The following EEF1A2 variants were observed in gnomAD, a reference collection of about 807,000 sequenced individuals.
EEF1A2 encodes elongation factor 1-alpha 2.
EEF1A2 carries 5 observed loss-of-function variants against 39.3 expected under a neutral mutation model. The ratio of observed to expected loss-of-function variants is 0.13; its 90% CI spans 0.07 to 0.27. The LOEUF is 0.27. Among genes scored for constraint, EEF1A2 ranks in the 10% least tolerant of loss-of-function variants. EEF1A2 has a pLI of 1.00. For missense variants in EEF1A2, 218 were observed against 681.4 expected, an observed-to-expected ratio of 0.32 and a Z score of 7.57; for synonymous variants, 287 against 293.7, an observed-to-expected ratio of 0.98 and a Z score of 0.23.
At chr20:63,493,315 T>C in intron 4 of EEF1A2, 28 bp from the exon 5 acceptor site, 1 of 1,479,966 alleles carries the variant, frequency 6.8e-7, no homozygotes, top group East Asian at 2.6e-5. Flanking sequence ...AATCAATCCG[T>C]TAAGAGACAT....
At position 63,495,068 on chromosome 20, in the gene EEF1A2, C is replaced by T. The variant is rs758901823; in HGVS notation, c.358G>A (p.Val120Met). 13 of 1,611,756 alleles carry T rather than the reference C, an allele frequency of 8.1e-6. No homozygotes were observed. The highest frequency in any genetic ancestry group is 7.6e-6 in the Non-Finnish European group (9 of 1,179,868). Reference protein sequence around the residue: ...DCAVLIVAAGVGEFEAGISKN... With the variant: ...DCAVLIVAAGMGEFEAGISKN... ...GAGATGCCCGCCTCGAACTCGCCCA[C>T]GCCCGCCGCCACGATCAGCACTGCG... is the stretch of plus-strand genomic sequence containing the variant. Residue 120 changes from valine to methionine, a missense_variant, in exon 4 of 8, where the codon GTG becomes ATG. Physicochemically the swap from Val to Met is conservative, Grantham distance 21. Coordinates refer to ENST00000217182, the MANE Select transcript of EEF1A2 (RefSeq NM_001958.5).
chr20:63,495,999 C>G lies in EEF1A2; in HGVS notation c.181G>C (p.Asp61His). ...KGSFKYAWVL[D>H]KLKAERERGI... is the part of the protein sequence containing the mutation. ...CGCTCACGCTCCGCCTTCAGCTTGT[C>G]CAGCACCCAGGCATACTTGAAGGAT... The change falls in exon 3 of 8, where the codon GAC (aspartate) becomes CAC (histidine). Residue 61 changes from aspartate to histidine, a missense_variant. Around this residue, in one of 4 missense-constraint regions of EEF1A2, gnomAD observed 28 missense variants for 156.2 expected, o/e 0.18. Coordinates refer to ENST00000217182, the MANE Select transcript of EEF1A2 (RefSeq NM_001958.5). 1 of 1,612,944 alleles carries G rather than the reference C, an allele frequency of 6.2e-7. No homozygotes were observed. Among genetic ancestry groups the G allele is most frequent in the Non-Finnish European group, 8.5e-7 (1 of 1,179,934 alleles).
chr20:63,495,825 C>A, intron 3 of EEF1A2, 31 bp downstream of exon 3: 1 of 1,608,174 alleles, frequency 6.2e-7, no homozygotes, highest in South Asian at 1.1e-5. Flanking sequence ...AGCGGCCTCT[C>A]CCCCAGCCCC....
At chr20:63,490,801 G>T (rs547870369) in intron 5 of EEF1A2, 66 bp from the exon 6 acceptor site, 1 of 1,535,116 alleles carries the variant, frequency 6.5e-7, no homozygotes, top group African/African-American at 1.4e-5. Flanking sequence ...GGATATTCGG[G>T]GACAGAGCCT....
At chr20:63,488,497 G>A in intron 7 of EEF1A2, 72 bp from the exon 8 acceptor site, 5 of 1,318,598 alleles carry the variant, frequency 3.8e-6, no homozygotes, top group Non-Finnish European at 4.8e-6. Flanking sequence ...GCTCTGGCCG[G>A]GCGGGGGCGC....
rs2082423574 is a variant in EEF1A2 at position 63,497,444 on chromosome 20, G to A, written c.144+176C>T. The A allele has an allele frequency of 3.0e-6, 3 of 1,011,570 alleles. No homozygotes were observed. The allele number at this position is 1,011,570 out of a possible 1,614,324, so 62.7% of individuals were successfully genotyped here. A position where few individuals can be genotyped will look rare whatever the true frequency, so the allele number is the denominator to read the frequency against. On this transcript the variant is annotated intron_variant, in intron 2 of 7. Transcript: ENST00000217182. The surrounding 1 kb of genome is among the most constrained non-coding windows in gnomAD (Gnocchi z 7.3). ...CTCCCCCACCAAGCTCCCCCTAAGA[G>A]AGAGGCTGCCCCACCAGACCCTCTG...
At position 63,497,864 on chromosome 20, in the gene EEF1A2, G is replaced by T. The variant is rs1369507969; in HGVS notation, c.-71-30C>A. ...GGGGCCAGTGGTGGTGGGGAGACCGGTGATGGGGAGCCCCAGGGGGAGACA... is the reference window on the plus strand; with the variant it reads ...GGGGCCAGTGGTGGTGGGGAGACCGTTGATGGGGAGCCCCAGGGGGAGACA... On this transcript the variant is annotated intron_variant, in intron 1 of 7. Coordinates refer to ENST00000217182, the MANE Select transcript of EEF1A2 (RefSeq NM_001958.5). This position sits in a 1 kb window ranked among gnomAD's most constrained non-coding sequence, Gnocchi z 7.3. The T allele has an allele frequency of 1.3e-5, 19 of 1,468,904 alleles. No homozygotes were observed. Among genetic ancestry groups the T allele is most frequent in the Non-Finnish European group, 1.7e-5 (18 of 1,087,600 alleles). 91.0% of individuals were successfully genotyped at this position (1,468,904 alleles called of 1,614,324 possible). A position where few individuals can be genotyped will look rare whatever the true frequency, so the allele number is the denominator to read the frequency against.
At chr20:63,491,677 T>G (rs4809575) in intron 5 of EEF1A2, among the ~76,000 whole-genome samples, 37,775 of 118,594 alleles carry the variant, frequency 0.32, 5,910 homozygotes, top group Middle Eastern at 0.54. Context: ...TGGATGGATG[T>G]ATGAATGGGG....
rs569316100 is a variant in EEF1A2, at chr20:63,498,840, C to A, written c.-72+218G>T. Reference sequence around the variant, plus strand: ...CCCCGCGGCCCCAAGGTCACGGCTACGGGGCGATCGCCGCCCAGGACCCGG... The same window carrying A: ...CCCCGCGGCCCCAAGGTCACGGCTAAGGGGCGATCGCCGCCCAGGACCCGG... On this transcript the variant is annotated intron_variant, in intron 1 of 7. Transcript: ENST00000217182. This position sits in a 1 kb window ranked among gnomAD's most constrained non-coding sequence, Gnocchi z 4.1. 1 of 150,684 alleles carries A rather than the reference C, an allele frequency of 6.6e-6. No individual in the cohort carries two copies. Among genetic ancestry groups the A allele is most frequent in the Non-Finnish European group, 1.5e-5 (1 of 67,552 alleles). 9.3% of individuals were successfully genotyped at this position (150,684 alleles called of 1,614,324 possible).
In EEF1A2 at chr20:63,493,203, G is replaced by A; in HGVS notation, c.706C>T (p.Leu236=). ...TTGTCCGTGGGGCGCGTGGGGGGCAGGATGGTGTCCAGGGCCTCCAGCAGG... is the reference window on the plus strand; with the variant it reads ...TTGTCCGTGGGGCGCGTGGGGGGCAAGATGGTGTCCAGGGCCTCCAGCAGG... ...VSLLEALDTI[L]PPTRPTDKPL... is the part of the protein sequence containing the mutation. Residue 236 remains leucine, a synonymous_variant, in exon 5 of 8, where the codon CTG becomes TTG. Coordinates refer to ENST00000217182, the MANE Select transcript of EEF1A2 (RefSeq NM_001958.5). 1 of 1,548,842 alleles carries A rather than the reference G, an allele frequency of 6.5e-7. No individual in the cohort carries two copies.
In EEF1A2 at chr20:63,493,195, G is replaced by C. The variant is rs557317848; in HGVS notation, c.714C>G (p.Pro238=). The C allele has an allele frequency of 2.8e-5, 44 of 1,548,664 alleles. No individual in the cohort carries two copies. The East Asian group carries it at 5.4e-4, about 19-fold the overall frequency. ...LLEALDTILP[P]TRPTDKPLRL... ...GCAGGGGCTTGTCCGTGGGGCGCGT[G>C]GGGGGCAGGATGGTGTCCAGGGCCT... is the stretch of plus-strand genomic sequence containing the variant. The change falls in exon 5 of 8, where the codon CCC becomes CCG. Residue 238 remains proline (P), a synonymous_variant. Transcript: ENST00000217182.
chr20:63,496,381 C>T (rs2082417442), intron 2 of EEF1A2: 8 of 302,964 alleles, frequency 2.6e-5, no homozygotes, highest in South Asian at 4.6e-5. Context: ...AAGCTGCGGA[C>T]GCCCCCAGAT....
At chr20:63,493,407 G>A in intron 4 of EEF1A2, 120 bp from the exon 5 acceptor site, 1 of 1,233,376 alleles carries the variant, frequency 8.1e-7, no homozygotes, top group Non-Finnish European at 1.1e-6. Context: ...CGTGCCCTTT[G>A]AGATGAGGAA....
chr20:63,495,099 C>T lies in EEF1A2; in HGVS notation c.327G>A (p.Ala109=). 1.9e-6 allele frequency: 3 copies of T among 1,607,310 alleles called. No individual in the cohort carries two copies. The highest frequency in any genetic ancestry group is 2.5e-6 in the Non-Finnish European group (3 of 1,178,300). ...IKNMITGTSQ[A]DCAVLIVAAG... ...CCGCCACGATCAGCACTGCGCAGTC[C>T]GCCTGCCCGGCAGGGGACACAGTGA... The change falls in exon 4 of 8, where the codon GCG becomes GCA. Residue 109 remains alanine (A), a splice_region_variant and synonymous_variant. Transcript: ENST00000217182.
chr20:63,495,270 G>T (rs1233860360), intron 3 of EEF1A2, among the ~76,000 whole-genome samples, 169 bp from the exon 4 acceptor site: 1 of 152,216 alleles, frequency 6.6e-6, no homozygotes, highest in African/African-American at 2.4e-5. Context: ...AGGGCAGCAT[G>T]GGGGCTCATC....
At chr20:63,494,142 C>G (rs1344895181) in intron 4 of EEF1A2, among the ~76,000 whole-genome samples, 2 of 152,236 alleles carry the variant, frequency 1.3e-5, no homozygotes, top group African/African-American at 2.4e-5. Context: ...TCACTGTGGG[C>G]AGCGACAGTG....
chr20:63,492,925 G>A (rs1383984993), intron 5 of EEF1A2, among the ~76,000 whole-genome samples: 2 of 144,616 alleles, frequency 1.4e-5, no homozygotes, highest in Non-Finnish European at 3.0e-5. Context: ...TGGAGAGGTG[G>A]ATAGATGGAT....
rs1220078517 is a variant in EEF1A2, at chr20:63,488,411, G to A, written c.1279C>T (p.Arg427Cys). Residue 427 changes from arginine (R) to cysteine (C), a missense_variant, in exon 8 of 8, where the codon CGC becomes TGC. Transcript: ENST00000217182. The part of the protein sequence containing the change: ...QYPPLGRFAV[R>C]DMRQTVAVGV... Reference sequence around the variant, plus strand: ...ACGGCCACCGTCTGCCTCATGTCGCGCACGGCGAAGCGGCCTGGGGGGCGG... The same window carrying A: ...ACGGCCACCGTCTGCCTCATGTCGCACACGGCGAAGCGGCCTGGGGGGCGG... The A allele has an allele frequency of 2.7e-6, 4 of 1,463,582 alleles. No homozygotes were observed. The South Asian group carries it at 4.0e-5, about 14-fold the overall frequency. 90.7% of individuals were successfully genotyped at this position (1,463,582 alleles called of 1,614,324 possible).
Position 63,493,265 on chromosome 20 carries a change from T to A in EEF1A2, c.644A>T (p.Lys215Met). 6.5e-7 allele frequency: 1 copy of A among 1,529,902 alleles called. No homozygotes were observed. The highest frequency in any genetic ancestry group is 8.8e-7 in the Non-Finnish European group (1 of 1,133,542). The allele number at this position is 1,529,902 out of a possible 1,614,324, so 94.8% of individuals were successfully genotyped here. ...SPNMPWFKGW[K>M]VERKEGNASG... The stretch of plus-strand genomic sequence containing the variant: ...TGCGTTGCCCTCCTTACGCTCCACC[T>A]TCCAGCCCTTGAACCACGGCATCTG... Residue 215 changes from lysine (K) to methionine (M), a missense_variant, in exon 5 of 8, where the codon AAG (lysine) becomes ATG (methionine). Lys to Met is a moderately conservative substitution (Grantham distance 95, BLOSUM62 -1). Coordinates refer to ENST00000217182, the MANE Select transcript of EEF1A2 (RefSeq NM_001958.5).
Sources: allele counts gnomAD v4.1 joint callset (sites outside exome capture counted in the v4.1 genomes callset), GRCh38; gene constraint gnomAD v4.1.1; regional missense constraint gnomAD v4.1.1; non-coding constraint Gnocchi (gnomAD v3.1); transcripts MANE v1.5; gene names NCBI Gene and HGNC (gene_info 2026-07-23, HGNC 2026-07-21).